RNASE11: variants seen among roughly 807,000 people sequenced by gnomAD.
RNASE11 encodes putative inactive ribonuclease 11.
For missense variants in RNASE11, 252 were observed against 237.8 expected (o/e 1.06, Z -0.39); for synonymous variants, 105 against 86.1 (o/e 1.22, Z -1.21).
upstream of RNASE11, among the ~76,000 whole-genome samples, chr14:20,588,678 A>G (rs747778267): frequency 6.6e-6 from 1 of 152,244 alleles, no homozygotes; most frequent in Non-Finnish European, 1.5e-5. Context: ...CAGAGCTAGG[A>G]TTAGGCTGAG....
chr14:20,589,853 C>A (rs1594474883), upstream of RNASE11, among the ~76,000 whole-genome samples: 1 of 152,188 alleles, frequency 6.6e-6, no homozygotes, highest in Admixed American at 6.5e-5. Flanking sequence ...TGCCATTGCA[C>A]CCCAGCCTGG....
At chr14:20,584,349 A>G in exon 2 of RNASE11, 4 of 1,614,070 alleles carry the variant, frequency 2.5e-6, no homozygotes, top group Non-Finnish European at 3.4e-6. Context: ...TTTCTTGGCC[A>G]CTTTTTGCCA....
exon 2 of RNASE11, chr14:20,584,091 C>T (rs779798172): frequency 1.2e-6 from 2 of 1,614,184 alleles, no homozygotes; most frequent in Non-Finnish European, 1.7e-6. Flanking sequence ...GGACCCTGCG[C>T]ATCACTTCTG....
At chr14:20,584,359 A>G (rs923414811) in exon 2 of RNASE11, 6 of 1,614,056 alleles carry the variant, frequency 3.7e-6, no homozygotes, top group Non-Finnish European at 5.1e-6. Context: ...ACTTTTTGCC[A>G]TGTCATATTG....
chr14:20,589,478 C>T (rs1426281976), upstream of RNASE11, among the ~76,000 whole-genome samples: 1 of 151,826 alleles, frequency 6.6e-6, no homozygotes, highest in Non-Finnish European at 1.5e-5. Flanking sequence ...TGGTCTCGAT[C>T]TCCTGGCCTC....
chr14:20,590,140 A>G, upstream of RNASE11: 1 of 1,431,692 alleles, frequency 7.0e-7, no homozygotes, highest in Admixed American at 2.7e-5. Context: ...CCAGCAATAC[A>G]GGAAGGATAA....
chr14:20,584,279 T>C, exon 2 of RNASE11: 1 of 1,614,248 alleles, frequency 6.2e-7, no homozygotes, highest in African/African-American at 1.3e-5. Flanking sequence ...TCCTTGGACA[T>C]GCTGAGGCTG....
At chr14:20,588,019 T>G (rs1884472386), upstream of RNASE11, 1 of 172,912 alleles carries the variant, frequency 5.8e-6, no homozygotes, top group East Asian at 1.9e-4. Context: ...ACATACAGGA[T>G]TGAAATGCCA....
At chr14:20,587,779 C>T (rs772662157), upstream of RNASE11, 12 of 985,572 alleles carry the variant, frequency 1.2e-5, no homozygotes, top group Non-Finnish European at 1.4e-5. Flanking sequence ...GATTATCCCC[C>T]AACGCCCCCT....
At chr14:20,588,703 C>T (rs1360638140), upstream of RNASE11, among the ~76,000 whole-genome samples, 1 of 152,206 alleles carries the variant, frequency 6.6e-6, no homozygotes, top group African/African-American at 2.4e-5. Flanking sequence ...ATGAGACACT[C>T]ACTCTAAGAC....
chr14:20,583,083 T>C (rs1884340200), downstream of RNASE11: 1 of 152,178 alleles, frequency 6.6e-6, no homozygotes, highest in Non-Finnish European at 1.5e-5. Context: ...TGAACAAAAT[T>C]AACTACAGTA....
chr14:20,584,028 C>G (rs1344618736), exon 2 of RNASE11: 2 of 1,614,060 alleles, frequency 1.2e-6, no homozygotes, highest in Non-Finnish European at 8.5e-7. Context: ...GTTCTAGGCT[C>G]TCACAGCAGC....
chr14:20,587,790 C>T, upstream of RNASE11: 1 of 985,582 alleles, frequency 1.0e-6, no homozygotes, highest in Non-Finnish European at 1.2e-6. Context: ...AACGCCCCCT[C>T]CTAAATCTGA....
At chr14:20,583,921 G>A (rs1488781567) in exon 2 of RNASE11, 2 of 1,613,986 alleles carry the variant, frequency 1.2e-6, no homozygotes, top group Admixed American at 1.7e-5. Flanking sequence ...AGAATGACCT[G>A]TCAGCACTGT....
chr14:20,587,737 A>G (rs988580839), upstream of RNASE11: 2 of 985,394 alleles, frequency 2.0e-6, no homozygotes, highest in Non-Finnish European at 2.4e-6. Context: ...AGCGTTGCCT[A>G]CTCACAAGGT....
chr14:20,583,948 G>A (rs201734916), exon 2 of RNASE11: 1 of 1,614,136 alleles, frequency 6.2e-7, no homozygotes, highest in Middle Eastern at 1.6e-4. Context: ...CTTCTCTAAT[G>A]AGGTAACACT....
intron 1 of RNASE11, chr14:20,585,013 A>C: frequency 1.1e-6 from 1 of 940,070 alleles, no homozygotes; most frequent in Non-Finnish European, 1.3e-6. Context: ...CATTCATAAG[A>C]TTTCTGTCTT....
upstream of RNASE11, among the ~76,000 whole-genome samples, chr14:20,589,414 C>T (rs932491042): frequency 6.6e-6 from 1 of 151,690 alleles, no homozygotes; most frequent in Non-Finnish European, 1.5e-5. Flanking sequence ...CCACCACGCC[C>T]GGCTAATTTT....
chr14:20,584,219 G>C, exon 2 of RNASE11: 1 of 1,614,096 alleles, frequency 6.2e-7, no homozygotes, highest in South Asian at 1.1e-5. Context: ...TTTCCCTTGG[G>C]GTCATTATAA....
Sources: gnomAD v4.1 joint callset for allele counts (sites outside exome capture counted in the v4.1 genomes callset) on GRCh38, gnomAD v4.1.1 for gene constraint, MANE v1.5 for transcripts, NCBI Gene and HGNC (gene_info 2026-07-23, HGNC 2026-07-21) for gene names.